The following ETV6 variants were observed in gnomAD, a reference collection of about 807,000 sequenced individuals.
ETV6 encodes the protein transcription factor ETV6.
ETV6 carries 16 observed loss-of-function variants against 51.1 expected under a neutral mutation model. That is an observed-to-expected ratio of 0.31 (90% CI 0.21 to 0.48). The LOEUF (loss-of-function observed/expected upper bound fraction) is 0.48. Ranked by LOEUF, ETV6 falls within the 20% of genes least tolerant of loss-of-function variation. The pLI, the probability that ETV6 is intolerant of heterozygous loss-of-function variation, is 0.99. For synonymous variants in ETV6, 240 were observed against 224.1 expected (o/e 1.07, Z -0.64); for missense variants, 458 against 594.8 (o/e 0.77, Z 2.39).
chr12:11,790,271 G>T (rs1945561920), intron 2 of ETV6, among the ~76,000 whole-genome samples: 2 of 151,978 alleles, frequency 1.3e-5, no homozygotes, highest in Non-Finnish European at 2.9e-5. Flanking sequence ...GCCTTTGTCT[G>T]GTTTTGGTCT....
At chr12:11,857,021 C>T (rs150674745) in intron 4 of ETV6, among the ~76,000 whole-genome samples, 68 of 152,308 alleles carry the variant, frequency 4.5e-4, no homozygotes, top group African/African-American at 1.4e-3. Context: ...GGAAAGAGAA[C>T]AAGGCCCAAC....
intron 1 of ETV6, among the ~76,000 whole-genome samples, chr12:11,684,254 T>C (rs1864586697): frequency 6.6e-6 from 1 of 152,264 alleles, no homozygotes; most frequent in Non-Finnish European, 1.5e-5. Context: ...GATAAACCAG[T>C]GCCTCTAACA....
chr12:11,769,728 A>T (rs1027091096), intron 2 of ETV6, among the ~76,000 whole-genome samples: 1 of 152,234 alleles, frequency 6.6e-6, no homozygotes, highest in Non-Finnish European at 1.5e-5. Context: ...CCAGATCTAG[A>T]CTGTAACATG....
At chr12:11,857,246 A>G (rs901559698) in intron 4 of ETV6, among the ~76,000 whole-genome samples, 1 of 152,226 alleles carries the variant, frequency 6.6e-6, no homozygotes, top group African/African-American at 2.4e-5. Context: ...ACTTTCTTAC[A>G]TTGAAACTTA....
intron 4 of ETV6, among the ~76,000 whole-genome samples, chr12:11,856,481 A>G (rs1347421885): frequency 6.6e-6 from 1 of 152,230 alleles, no homozygotes; most frequent in Non-Finnish European, 1.5e-5. Context: ...GGTGCACACA[A>G]CAAGGAGAGA....
chr12:11,782,676 C>A (rs1199055931), intron 2 of ETV6, among the ~76,000 whole-genome samples: 3 of 152,162 alleles, frequency 2.0e-5, no homozygotes, highest in African/African-American at 7.2e-5. Context: ...GTATTGACTA[C>A]AGAGTGAGAC....
chr12:11,853,583 T>C (rs1226953441), intron 4 of ETV6, 22 bp downstream of exon 4: 1 of 1,613,452 alleles, frequency 6.2e-7, no homozygotes, highest in South Asian at 1.1e-5. Context: ...GGTTTCTCTT[T>C]TCTTGCCTGA....
At chr12:11,681,767 G>A (rs548873628) in intron 1 of ETV6, among the ~76,000 whole-genome samples, 40 of 152,100 alleles carry the variant, frequency 2.6e-4, no homozygotes, top group Middle Eastern at 3.4e-3. Context: ...GTTCCCCTCC[G>A]TGTCCATGTG....
intron 4 of ETV6, among the ~76,000 whole-genome samples, chr12:11,853,867 C>G (rs1946594055): frequency 6.6e-6 from 1 of 152,192 alleles, no homozygotes; most frequent in South Asian, 2.1e-4. Flanking sequence ...GGAAGCAACT[C>G]TGGAGTATGC....
rs1035671840 is a variant in ETV6 at position 11,834,292 on chromosome 12, G to C, written c.164-4848G>C. On this transcript the variant is annotated intron_variant, in intron 2 of 7. Coordinates refer to ENST00000396373, the MANE Select transcript of ETV6 (RefSeq NM_001987.5). ...TCAGGGGCAGGTTGATCCTGAGTCA[G>C]TCTCTTAACTTCCAGGCTTCAGCTT... Among the ~76,000 whole-genome samples the C allele has an allele frequency of 4.6e-5, 7 of 152,306 alleles. No individual in the cohort carries two copies. In the South Asian group the frequency reaches 1.2e-3, roughly 27 times the overall value.
chr12:11,884,190 C>CTGTATCATCATCTGTGGAGGGAG (rs1263771445), intron 5 of ETV6, among the ~76,000 whole-genome samples: 8 of 152,214 alleles, frequency 5.3e-5, no homozygotes, highest in Non-Finnish European at 7.3e-5. Context: ...TTCTGGGTCA[C>CTGTATCATCATCTGTGGAGGGAG]TGTATCATCA....
At chr12:11,768,841 A>T (rs991624946) in intron 2 of ETV6, 6 of 447,016 alleles carry the variant, frequency 1.3e-5, no homozygotes, top group South Asian at 6.4e-5. Flanking sequence ...TCTGCCTACC[A>T]CATTCCAGCT....
chr12:11,694,404 C>T (rs1864832857), intron 1 of ETV6, among the ~76,000 whole-genome samples: 1 of 152,238 alleles, frequency 6.6e-6, no homozygotes, highest in Admixed American at 6.5e-5. Context: ...GGGGACCCAT[C>T]TGTTGCTTTT....
chr12:11,694,804 A>T lies in ETV6; in HGVS notation c.33+44644A>T, dbSNP rs542847480. Among the ~76,000 whole-genome samples, 8 of 152,278 alleles carry T rather than the reference A, an allele frequency of 5.3e-5. No homozygotes were observed. In the South Asian group the frequency reaches 1.5e-3, roughly 28 times the overall value. On this transcript the variant is annotated intron_variant, in intron 1 of 7. Transcript: ENST00000396373. The stretch of plus-strand genomic sequence containing the variant: ...TGTTCCTGCTGGTGCTTGGAATAAG[A>T]CGTTCTTTTCCCTCCCCGTGGAGAT...
chr12:11,798,404 C>T (rs966636112), intron 2 of ETV6, among the ~76,000 whole-genome samples: 1 of 152,124 alleles, frequency 6.6e-6, no homozygotes, highest in Non-Finnish European at 1.5e-5. Flanking sequence ...GCTGGTCATG[C>T]CCCAGTACTT....
intron 2 of ETV6, among the ~76,000 whole-genome samples, chr12:11,756,850 A>G (rs78625054): frequency 5.6e-4 from 85 of 152,386 alleles, no homozygotes; most frequent in African/African-American, 2.0e-3. Context: ...TAGGATAACA[A>G]TATAAGTATA....
chr12:11,652,648 G>A (rs1489389232), intron 1 of ETV6, among the ~76,000 whole-genome samples: 1 of 152,148 alleles, frequency 6.6e-6, no homozygotes, highest in Admixed American at 6.5e-5. Context: ...TTCCTTACAA[G>A]TAGCGGGTCA....
At chr12:11,778,132 A>G (rs1945359345) in intron 2 of ETV6, among the ~76,000 whole-genome samples, 1 of 152,184 alleles carries the variant, frequency 6.6e-6, no homozygotes, top group African/African-American at 2.4e-5. Flanking sequence ...GCAGGACTAG[A>G]TGTCTCAGGG....
intron 1 of ETV6, among the ~76,000 whole-genome samples, chr12:11,741,643 A>C (rs1182774872): frequency 6.6e-6 from 1 of 152,238 alleles, no homozygotes; most frequent in African/African-American, 2.4e-5. Context: ...GCAGTTGTTC[A>C]TATGTAGGTC....
Sources: allele counts gnomAD v4.1 joint callset (sites outside exome capture counted in the v4.1 genomes callset), GRCh38; gene constraint gnomAD v4.1.1; transcripts MANE v1.5; gene names NCBI Gene and HGNC (gene_info 2026-07-23, HGNC 2026-07-21).